NRXN3: variants seen among roughly 807,000 people sequenced by gnomAD.
The protein encoded by NRXN3 is neurexin III.
NRXN3 carries 32 observed loss-of-function variants against 137.6 expected under a neutral mutation model. The ratio of observed to expected loss-of-function variants is 0.23; its 90% CI spans 0.18 to 0.31. The LOEUF (loss-of-function observed/expected upper bound fraction) is 0.31, where lower values mean the gene tolerates loss of function less well. Among genes scored for constraint, NRXN3 ranks in the 10% least tolerant of loss-of-function variants. NRXN3 has a pLI of 1.00. For missense variants in NRXN3, 1,574 were observed against 2,062.5 expected (o/e 0.76, Z 4.59); for synonymous variants, 798 against 784.5 (o/e 1.02, Z -0.29).
chr14:79,490,580 C>T (rs189388206), intron 16 of NRXN3, among the ~76,000 whole-genome samples: 1 of 150,816 alleles, frequency 6.6e-6, no homozygotes, highest in East Asian at 2.0e-4. Context: ...AGACAAATAT[C>T]ATACGTTCTT....
rs2099012405 is a variant in NRXN3, at chr14:79,754,563, T to TGC, written c.4015-50548_4015-50547dup. 2.9e-4 allele frequency among the ~76,000 whole-genome samples: 13 copies of TGC among 44,090 alleles called. 2 individuals are homozygous for TGC. Among genetic ancestry groups the TGC allele is most frequent in the Non-Finnish European group, 4.8e-4 (10 of 20,738 alleles). 28.9% of individuals were successfully genotyped at this position (44,090 alleles called of 152,430 possible). Reference sequence around the variant, plus strand: ...ATATATATATATATATATATATATATGCACACATACACACACACACACACA... The same window carrying TGC: ...ATATATATATATATATATATATATATGCGCACACATACACACACACACACACA... On this transcript the variant is annotated intron_variant, in intron 19 of 20. Transcript: ENST00000335750.
At chr14:79,745,268 C>T (rs1330009559) in intron 19 of NRXN3, among the ~76,000 whole-genome samples, 1 of 152,060 alleles carries the variant, frequency 6.6e-6, no homozygotes, top group Non-Finnish European at 1.5e-5. Context: ...ATTCTGTATG[C>T]AAGACCTTCT....
At chr14:79,660,541 ATCTTT>A in intron 16 of NRXN3, among the ~76,000 whole-genome samples, 1 of 152,282 alleles carries the variant, frequency 6.6e-6, no homozygotes, top group South Asian at 2.1e-4. Context: ...CAGAGATTAA[ATCTTT>A]TCTTTTCCTG....
chr14:78,191,179 G>A (rs2060697081), intron 1 of NRXN3, among the ~76,000 whole-genome samples: 1 of 152,148 alleles, frequency 6.6e-6, no homozygotes, highest in Non-Finnish European at 1.5e-5. Flanking sequence ...GGTGGGGTGT[G>A]GGGCTGGGCC....
At chr14:79,199,954 C>A (rs943315645) in intron 15 of NRXN3, 1 of 152,056 alleles carries the variant, frequency 6.6e-6, no homozygotes, top group Non-Finnish European at 1.5e-5. Context: ...CTGATGGTCA[C>A]TATGGAGAAG....
intron 15 of NRXN3, among the ~76,000 whole-genome samples, chr14:79,096,114 T>TC (rs2050279779): frequency 6.6e-6 from 1 of 151,780 alleles, no homozygotes; most frequent in South Asian, 2.1e-4. Context: ...TCTATTCTTT[T>TC]TTTTTTTTGT....
intron 15 of NRXN3, among the ~76,000 whole-genome samples, chr14:79,379,443 T>G (rs1282218842): frequency 3.3e-5 from 5 of 152,190 alleles, no homozygotes; most frequent in African/African-American, 7.2e-5. Context: ...CCTGGGGTTG[T>G]GCCCATGTTC....
At chr14:78,357,360 A>G (rs572789669) in intron 4 of NRXN3, among the ~76,000 whole-genome samples, 16 of 152,308 alleles carry the variant, frequency 1.1e-4, no homozygotes, top group Admixed American at 1.0e-3. Context: ...CCGCCGCCAT[A>G]AATCAGTCAC....
chr14:79,229,641 C>T (rs1334630392), intron 15 of NRXN3, among the ~76,000 whole-genome samples: 2 of 152,156 alleles, frequency 1.3e-5, no homozygotes, highest in Non-Finnish European at 2.9e-5. Context: ...CGAAAACGAA[C>T]TCCTGGGAAG....
At chr14:79,300,474 C>CG (rs928203447) in intron 15 of NRXN3, among the ~76,000 whole-genome samples, 1 of 151,908 alleles carries the variant, frequency 6.6e-6, no homozygotes, top group African/African-American at 2.4e-5. Flanking sequence ...GGCAGATAGA[C>CG]GGGGGATGAT....
At chr14:78,599,212 T>C (rs1450658067) in intron 4 of NRXN3, among the ~76,000 whole-genome samples, 5 of 152,190 alleles carry the variant, frequency 3.3e-5, no homozygotes, top group Admixed American at 6.5e-5. Flanking sequence ...AGAGTTTAAC[T>C]CATGGAAAGG....
intron 2 of NRXN3, among the ~76,000 whole-genome samples, chr14:78,270,092 A>G (rs1394605838): frequency 1.3e-5 from 2 of 152,152 alleles, no homozygotes; most frequent in Non-Finnish European, 2.9e-5. Flanking sequence ...GGGCTCGAAG[A>G]GATTGGCTAA....
intron 15 of NRXN3, among the ~76,000 whole-genome samples, chr14:79,051,522 G>A (rs1404663956): frequency 6.6e-6 from 1 of 152,160 alleles, no homozygotes; most frequent in African/African-American, 2.4e-5. Context: ...AGTTTTAATT[G>A]ATGAGATACT....
intron 15 of NRXN3, among the ~76,000 whole-genome samples, chr14:79,114,245 C>T (rs567013623): frequency 6.6e-6 from 1 of 152,324 alleles, no homozygotes; most frequent in Non-Finnish European, 1.5e-5. Context: ...AAACATCCTA[C>T]AGGGCACAGG....
intron 15 of NRXN3, among the ~76,000 whole-genome samples, chr14:79,296,549 C>T (rs1419649905): frequency 6.6e-6 from 1 of 151,462 alleles, no homozygotes; most frequent in Non-Finnish European, 1.5e-5. Flanking sequence ...GAGTTTGGGG[C>T]TCTTTGATGG....
At chr14:78,255,611 G>A (rs747257328) in intron 2 of NRXN3, among the ~76,000 whole-genome samples, 5 of 152,174 alleles carry the variant, frequency 3.3e-5, no homozygotes, top group Non-Finnish European at 5.9e-5. Flanking sequence ...TGATTCCTGT[G>A]GCAGGAGTAT....
At chr14:78,480,951 C>T (rs747204125) in intron 4 of NRXN3, among the ~76,000 whole-genome samples, 31 of 152,236 alleles carry the variant, frequency 2.0e-4, no homozygotes, top group Non-Finnish European at 4.0e-4. Flanking sequence ...CTTTCCTCTA[C>T]GTTGTCTCTC....
chr14:78,243,595 G>A lies in NRXN3; in HGVS notation c.502G>A (p.Ala168Thr). The A allele has an allele frequency of 6.3e-7, 1 of 1,598,454 alleles. No individual in the cohort carries two copies. Among genetic ancestry groups the A allele is most frequent in the Non-Finnish European group, 8.5e-7 (1 of 1,179,822 alleles). ...PSALTLDGVQAMPGFKGLILD... is the reference protein window; with the variant it reads ...PSALTLDGVQTMPGFKGLILD... Reference sequence around the variant, plus strand: ...TGCCCTGACCCTTGATGGAGTTCAGGCCATGCCCGGCTTCAAGGGGTTAAT... The same window carrying A: ...TGCCCTGACCCTTGATGGAGTTCAGACCATGCCCGGCTTCAAGGGGTTAAT... The change falls in exon 2 of 21, where the codon GCC becomes ACC. Residue 168 changes from alanine (A) to threonine (T), a missense_variant. Ala to Thr is a moderately conservative substitution (Grantham distance 58). This residue lies in a region of NRXN3 where 400 missense variants were observed against 527.3 expected (regional missense o/e 0.76). Coordinates refer to ENST00000335750, the MANE Select transcript of NRXN3 (RefSeq NM_001330195.2). This position sits in a 1 kb window ranked among gnomAD's most constrained non-coding sequence, Gnocchi z 4.2.
At chr14:79,655,125 A>G (rs1466658828) in intron 16 of NRXN3, among the ~76,000 whole-genome samples, 1 of 152,226 alleles carries the variant, frequency 6.6e-6, no homozygotes, top group Non-Finnish European at 1.5e-5. Flanking sequence ...CCTAGTCTGT[A>G]GTAAAGTAAC....
Sources: allele counts gnomAD v4.1 joint callset (sites outside exome capture counted in the v4.1 genomes callset), GRCh38; gene constraint gnomAD v4.1.1; regional missense constraint gnomAD v4.1.1; non-coding constraint Gnocchi (gnomAD v3.1); transcripts MANE v1.5; gene names NCBI Gene and HGNC (gene_info 2026-07-23, HGNC 2026-07-21).